CCDC171: variants seen among roughly 807,000 people sequenced by gnomAD.
CCDC171 encodes coiled-coil domain containing 171.
A neutral mutation model predicts 168.2 loss-of-function variants in CCDC171; 177 were observed. The ratio of observed to expected loss-of-function variants is 1.05; its 90% CI spans 0.93 to 1.19. CCDC171 has a LOEUF of 1.19. CCDC171 is among the 50% of genes most tolerant of loss of function. The pLI is 0.00. For missense variants in CCDC171, 1,991 were observed against 1,539.0 expected (o/e 1.29, Z -4.91); for synonymous variants, 687 against 540.8 (o/e 1.27, Z -3.75).
chr9:15,559,654 A>G (rs772589042), intron 1 of CCDC171, among the ~76,000 whole-genome samples: 5 of 152,134 alleles, frequency 3.3e-5, no homozygotes, highest in Non-Finnish European at 7.4e-5. Flanking sequence ...TCTCCTCAGT[A>G]CAGCACACTG....
intron 21 of CCDC171, among the ~76,000 whole-genome samples, chr9:15,827,812 T>C (rs2060076903): frequency 6.6e-6 from 1 of 152,184 alleles, no homozygotes; most frequent in Admixed American, 6.5e-5. Context: ...TTGTTGTAGC[T>C]GAATAAGCTT....
At chr9:15,852,224 C>T (rs2061159643) in intron 23 of CCDC171, among the ~76,000 whole-genome samples, 2 of 151,870 alleles carry the variant, frequency 1.3e-5, no homozygotes, top group African/African-American at 4.8e-5. Flanking sequence ...CTTATTTTTC[C>T]ACATCCTTGC....
At chr9:15,609,049 T>C (rs2043450756) in intron 6 of CCDC171, among the ~76,000 whole-genome samples, 1 of 151,452 alleles carries the variant, frequency 6.6e-6, no homozygotes, top group South Asian at 2.1e-4. Context: ...CATCTTTTTC[T>C]TCTTTGTAGA....
rs1270511811 is a variant in CCDC171 at position 15,744,739 on chromosome 9, T to G, written c.2516T>G (p.Val839Gly). ...TTCAAAGAAGGCATAGGCATGTTAGTGTGCACAGGAGAGCCCCAAGACAAG... is the reference window on the plus strand; with the variant it reads ...TTCAAAGAAGGCATAGGCATGTTAGGGTGCACAGGAGAGCCCCAAGACAAG... ...ESFKEGIGML[V>G]CTGEPQDKHK... The change falls in exon 17 of 26, where the codon GTG (valine) becomes GGG (glycine). Residue 839 changes from valine to glycine, a missense_variant. Physicochemically the swap from Val to Gly is moderately radical, Grantham distance 109 (BLOSUM62 -3). Transcript: ENST00000380701. The G allele has an allele frequency of 6.2e-7, 1 of 1,614,052 alleles. No individual in the cohort carries two copies. Among genetic ancestry groups the G allele is most frequent in the Non-Finnish European group, 8.5e-7 (1 of 1,179,996 alleles).
chr9:16,004,691 C>G (rs1832647706), intron 3 of CCDC171, among the ~76,000 whole-genome samples: 1 of 152,180 alleles, frequency 6.6e-6, no homozygotes, highest in Non-Finnish European at 1.5e-5. Flanking sequence ...CTTATCCCCA[C>G]AGGTGTCTAA....
intron 25 of CCDC171, among the ~76,000 whole-genome samples, chr9:15,961,088 C>G (rs1433078020): frequency 6.6e-6 from 1 of 152,072 alleles, no homozygotes; most frequent in Non-Finnish European, 1.5e-5. Context: ...TTGACAGATA[C>G]TTATATTGTT....
At chr9:15,923,127 A>T (rs187718663) in intron 25 of CCDC171, among the ~76,000 whole-genome samples, 16 of 151,458 alleles carry the variant, frequency 1.1e-4, no homozygotes, top group South Asian at 4.1e-4. Flanking sequence ...ATCCCAAAAA[A>T]TCATTGCCAA....
In CCDC171 at chr9:15,724,767, C is replaced by G; in HGVS notation, c.1492-9C>G. ...TTTCTACAATCTCTTTATTTGGTAT[C>G]TATGACAGGAACTTCAGGATAAACT... is the stretch of plus-strand genomic sequence containing the variant. On this transcript the variant is annotated splice_polypyrimidine_tract_variant and intron_variant, in intron 13 of 25. Transcript: ENST00000380701. 6.2e-7 allele frequency: 1 copy of G among 1,606,092 alleles called. No individual in the cohort carries two copies. Among genetic ancestry groups the G allele is most frequent in the Non-Finnish European group, 8.5e-7 (1 of 1,173,358 alleles).
intron 24 of CCDC171, among the ~76,000 whole-genome samples, chr9:15,913,669 C>G (rs1029886650): frequency 6.6e-6 from 1 of 152,150 alleles, no homozygotes; most frequent in Non-Finnish European, 1.5e-5. Flanking sequence ...CATTTTCCAT[C>G]CAGTTTTGTT....
chr9:15,975,226 T>C (rs534406425), downstream of CCDC171, among the ~76,000 whole-genome samples: 77 of 152,300 alleles, frequency 5.1e-4, no homozygotes, highest in African/African-American at 1.7e-3. Context: ...CATGAATAAC[T>C]GAGGATCAAA....
chr9:15,885,780 A>G (rs1278533403), intron 24 of CCDC171: 1 of 152,204 alleles, frequency 6.6e-6, no homozygotes, highest in Non-Finnish European at 1.5e-5. Context: ...AGCAGTTAGA[A>G]GAAAATACAG....
intron 11 of CCDC171, among the ~76,000 whole-genome samples, chr9:15,710,395 C>T (rs10756693): frequency 0.47 from 70,575 of 151,710 alleles, 16,934 homozygotes; most frequent in East Asian, 0.78. Context: ...CTCCACCTCC[C>T]AGGTTCATGC....
At position 15,782,038 on chromosome 9, in the gene CCDC171, T is replaced by A. The variant is rs540086313; in HGVS notation, c.3082-2471T>A. On this transcript the variant is annotated intron_variant, in intron 20 of 25. Transcript: ENST00000380701. Reference sequence around the variant, plus strand: ...ACAGTGGTTAGTGTTGATACCTAGGTGTGCTAATAAAGGGTTGTTATATTA... The same window carrying A: ...ACAGTGGTTAGTGTTGATACCTAGGAGTGCTAATAAAGGGTTGTTATATTA... 1.2e-3 allele frequency among the ~76,000 whole-genome samples: 186 copies of A among 152,246 alleles called. 3 individuals carry two copies. The South Asian group carries it at 0.037, about 30-fold the overall frequency.
chr9:15,977,555 C>G (rs565083846), downstream of CCDC171, among the ~76,000 whole-genome samples: 4 of 152,148 alleles, frequency 2.6e-5, no homozygotes, highest in African/African-American at 9.7e-5. Context: ...ACATATAAAG[C>G]TTTGAAAACT....
chr9:15,895,054 G>A (rs1309737436), intron 24 of CCDC171, among the ~76,000 whole-genome samples: 2 of 152,086 alleles, frequency 1.3e-5, no homozygotes, highest in Middle Eastern at 3.2e-3. Flanking sequence ...AAAGTAGGAG[G>A]TTTGAAATCA....
intron 9 of CCDC171, among the ~76,000 whole-genome samples, chr9:15,673,563 A>G (rs1300818648): frequency 3.3e-5 from 5 of 152,234 alleles, no homozygotes; most frequent in East Asian, 1.9e-4. Context: ...ATGAAGGGCT[A>G]TTGAGTTCTG....
intron 24 of CCDC171, among the ~76,000 whole-genome samples, chr9:15,912,469 TA>T (rs1823822760): frequency 1.3e-5 from 2 of 152,198 alleles, no homozygotes; most frequent in Admixed American, 6.5e-5. Flanking sequence ...GGGGTTTTTT[TA>T]ATATACAGTC....
chr9:15,844,663 C>T (rs1489864056), intron 21 of CCDC171, among the ~76,000 whole-genome samples: 2 of 151,888 alleles, frequency 1.3e-5, no homozygotes, highest in Non-Finnish European at 2.9e-5. Flanking sequence ...TTCTATGCCC[C>T]TGAAATAGTA....
chr9:15,911,918 G>A (rs1823712378), intron 24 of CCDC171, among the ~76,000 whole-genome samples: 1 of 152,116 alleles, frequency 6.6e-6, no homozygotes, highest in Non-Finnish European at 1.5e-5. Context: ...TACCTGTTTT[G>A]GTACCAGTAC....
Sources: gnomAD v4.1 joint callset for allele counts (sites outside exome capture counted in the v4.1 genomes callset) on GRCh38, gnomAD v4.1.1 for gene constraint, MANE v1.5 for transcripts, NCBI Gene and HGNC (gene_info 2026-07-23, HGNC 2026-07-21) for gene names.